Variants in CLPB observed in about 807,000 individuals in gnomAD.
CLPB encodes the protein ClpB family mitochondrial disaggregase, also known as mitochondrial disaggregase.
Under a neutral mutation model 78.4 loss-of-function variants are expected in CLPB, and 40 were observed. The ratio of observed to expected loss-of-function variants is 0.51; its 90% CI spans 0.40 to 0.66. The LOEUF is 0.66. Ranked by LOEUF, CLPB falls within the 30% of genes least tolerant of loss-of-function variation. The probability of loss-of-function intolerance (pLI) is 0.00; values close to 1 mark genes in which losing one functional copy is unlikely to be tolerated. For synonymous variants in CLPB, 333 were observed against 348.0 expected (o/e 0.96, Z 0.48); for missense variants, 780 against 886.9 (o/e 0.88, Z 1.53).
At position 72,427,585 on chromosome 11, in the gene CLPB, G is replaced by C. The variant is rs572863524; in HGVS notation, c.455+2727C>G. On this transcript the variant is annotated intron_variant, in intron 2 of 15. Coordinates refer to ENST00000538039, the MANE Select transcript of CLPB (RefSeq NM_001258392.3). Reference sequence around the variant, plus strand: ...CAACAAATGACCTTTTCTGTATTTAGGTATGTCTAGATACATAAATACTTA... The same window carrying C: ...CAACAAATGACCTTTTCTGTATTTACGTATGTCTAGATACATAAATACTTA... Among the ~76,000 whole-genome samples the C allele has an allele frequency of 2.3e-4, 35 of 152,228 alleles. No homozygotes were observed. In the South Asian group the frequency reaches 6.8e-3, roughly 30 times the overall value.
intron 2 of CLPB, among the ~76,000 whole-genome samples, chr11:72,404,898 T>C (rs1298169191): frequency 3.3e-5 from 5 of 152,194 alleles, no homozygotes; most frequent in Non-Finnish European, 7.3e-5. Flanking sequence ...TACACTTCTT[T>C]TATGCAGAAA....
rs1363810914 is a variant in CLPB, at chr11:72,358,100, G to A, written c.775+780C>T. 2.0e-5 allele frequency among the ~76,000 whole-genome samples: 3 copies of A among 152,212 alleles called. No homozygotes were observed. The East Asian group carries it at 5.8e-4, about 29-fold the overall frequency. On this transcript the variant is annotated intron_variant, in intron 5 of 15. Transcript: ENST00000538039. ...GTGGGAAAGAAAGTGACTGGGATGTGTCTGGCAGGTAGCACTACCAGACTT... is the reference window on the plus strand; with the variant it reads ...GTGGGAAAGAAAGTGACTGGGATGTATCTGGCAGGTAGCACTACCAGACTT...
At chr11:72,387,899 G>T (rs1294791870) in intron 3 of CLPB, among the ~76,000 whole-genome samples, 1 of 152,194 alleles carries the variant, frequency 6.6e-6, no homozygotes, top group African/African-American at 2.4e-5. Flanking sequence ...ATCCTCAGCT[G>T]CTGTGTCCAA....
intron 11 of CLPB, among the ~76,000 whole-genome samples, chr11:72,297,705 C>A (rs1196570002): frequency 1.1e-5 from 1 of 94,300 alleles, no homozygotes; most frequent in Non-Finnish European, 2.4e-5. Context: ...GTGTGTGTGA[C>A]ATGTCCAAGC....
At position 72,294,062 on chromosome 11, in the gene CLPB, CCGTCGACCAG is replaced by C; in HGVS notation, c.1735_1744del (p.Leu579AlafsTer15). The C allele has an allele frequency of 6.2e-7, 1 of 1,614,136 alleles. No homozygotes were observed. The highest frequency in any genetic ancestry group is 8.5e-7 in the Non-Finnish European group (1 of 1,180,004). ...GCGGGCGCCATAGTGCACATTGTAG[CCGTCGACCAG>C]CACATCTGCCACCTCGCGGTCCCAG... On this transcript the variant is annotated frameshift_variant, in exon 15 of 16. Transcript: ENST00000538039. LOFTEE classifies it high-confidence loss of function.
intron 2 of CLPB, among the ~76,000 whole-genome samples, chr11:72,407,442 C>T (rs187234396): frequency 2.0e-4 from 31 of 152,280 alleles, no homozygotes; most frequent in East Asian, 9.6e-4. Context: ...ATTTGTTATA[C>T]GCATGTTTGC....
At chr11:72,317,529 G>C (rs935982054) in intron 6 of CLPB, among the ~76,000 whole-genome samples, 1 of 152,186 alleles carries the variant, frequency 6.6e-6, no homozygotes, top group Non-Finnish European at 1.5e-5. Flanking sequence ...TTATCACCTG[G>C]AGCAAGTTAT....
At chr11:72,415,880 G>C (rs1455464352) in intron 2 of CLPB, among the ~76,000 whole-genome samples, 2 of 152,214 alleles carry the variant, frequency 1.3e-5, no homozygotes, top group South Asian at 4.1e-4. Flanking sequence ...CTGGAATTCA[G>C]AGAGGGCACC....
At chr11:72,315,038 C>A (rs1949916949) in intron 7 of CLPB, among the ~76,000 whole-genome samples, 1 of 152,110 alleles carries the variant, frequency 6.6e-6, no homozygotes, top group Non-Finnish European at 1.5e-5. Flanking sequence ...AGTGAAGGAG[C>A]TGCCTGGTTC....
chr11:72,298,717 C>T (rs767028691), intron 11 of CLPB, among the ~76,000 whole-genome samples: 2 of 152,150 alleles, frequency 1.3e-5, no homozygotes, highest in African/African-American at 2.4e-5. Context: ...AAGCTGGTCT[C>T]GAACCCCTGA....
At chr11:72,366,233 G>A (rs1036273672) in intron 4 of CLPB, among the ~76,000 whole-genome samples, 14 of 152,030 alleles carry the variant, frequency 9.2e-5, no homozygotes, top group Non-Finnish European at 2.1e-4. Flanking sequence ...GTTTTGTTTT[G>A]AGATGGAGTC....
intron 9 of CLPB, 138 bp from the exon 10 acceptor site, chr11:72,302,486 G>GT (rs1478275045): frequency 2.1e-5 from 16 of 745,716 alleles, no homozygotes; most frequent in African/African-American, 1.2e-4. Flanking sequence ...CGCTCAAGAT[G>GT]TTTTTTTCTG....
chr11:72,306,334 G>A (rs1445737883), intron 9 of CLPB, among the ~76,000 whole-genome samples: 1 of 152,224 alleles, frequency 6.6e-6, no homozygotes, highest in East Asian at 1.9e-4. Context: ...TTGGCTGGCA[G>A]AGGCCCAAGA....
At chr11:72,361,050 C>T (rs1950829388) in intron 4 of CLPB, among the ~76,000 whole-genome samples, 1 of 152,200 alleles carries the variant, frequency 6.6e-6, no homozygotes, top group African/African-American at 2.4e-5. Flanking sequence ...GGTGCAAACT[C>T]ACTCTCTGCA....
At chr11:72,366,208 C>A (rs1299762243) in intron 4 of CLPB, among the ~76,000 whole-genome samples, 2 of 148,690 alleles carry the variant, frequency 1.3e-5, no homozygotes, top group Non-Finnish European at 2.9e-5. Flanking sequence ...TTATGTGGGT[C>A]TTTTGTCTTG....
intron 5 of CLPB, among the ~76,000 whole-genome samples, chr11:72,344,547 A>C (rs1950478317): frequency 2.0e-5 from 3 of 152,110 alleles, no homozygotes; most frequent in African/African-American, 7.2e-5. Context: ...GATATGCAAT[A>C]TCCATGACTT....
At chr11:72,293,705 G>C (rs748489632) in intron 15 of CLPB, 90 bp from the exon 16 acceptor site, 19 of 1,443,460 alleles carry the variant, frequency 1.3e-5, no homozygotes, top group Non-Finnish European at 1.7e-5. Flanking sequence ...GCAACTCAGA[G>C]ACCTCCTTTG....
chr11:72,301,770 C>T (rs774584345), intron 11 of CLPB, 33 bp downstream of exon 11: 1 of 1,601,868 alleles, frequency 6.2e-7, no homozygotes, highest in Non-Finnish European at 8.5e-7. Flanking sequence ...CTCCAGGTGT[C>T]CCCCCGCTCC....
intron 5 of CLPB, among the ~76,000 whole-genome samples, chr11:72,347,779 T>C (rs2135583518): frequency 6.6e-6 from 1 of 152,340 alleles, no homozygotes. Context: ...TTGATGTTGC[T>C]AATTAGTTGA....
Sources: allele counts gnomAD v4.1 joint callset (sites outside exome capture counted in the v4.1 genomes callset), GRCh38; gene constraint gnomAD v4.1.1; transcripts MANE v1.5; gene names NCBI Gene and HGNC (gene_info 2026-07-23, HGNC 2026-07-21).